The following TCTN1 variants were observed in gnomAD, a reference collection of about 807,000 sequenced individuals.
TCTN1 encodes tectonic-1.
A neutral mutation model predicts 65.8 loss-of-function variants in TCTN1; 58 were observed. The observed-to-expected ratio is 0.88, with a 90% CI of 0.71 to 1.10. The LOEUF (loss-of-function observed/expected upper bound fraction) is 1.10. Among genes scored for constraint, TCTN1 ranks in the 50% least tolerant of loss-of-function variants. TCTN1 has a pLI of 0.00. For missense variants in TCTN1, 645 were observed against 719.4 expected (o/e 0.90, Z 1.18); for synonymous variants, 273 against 289.1 (o/e 0.94, Z 0.57).
chr12:110,645,597 C>T (rs1406360432), intron 12 of TCTN1: 1 of 222,704 alleles, frequency 4.5e-6, no homozygotes, highest in Admixed American at 5.2e-5. Context: ...GGCTCTCCCA[C>T]CCATTGTCCC....
chr12:110,648,181 G>T (rs1322815169), intron 14 of TCTN1, among the ~76,000 whole-genome samples: 1 of 152,040 alleles, frequency 6.6e-6, no homozygotes, highest in Non-Finnish European at 1.5e-5. Context: ...GTGTTGACCA[G>T]GCTGGTCTCA....
chr12:110,622,313 C>G (rs923973283), intron 2 of TCTN1, among the ~76,000 whole-genome samples: 10 of 152,092 alleles, frequency 6.6e-5, no homozygotes, highest in African/African-American at 2.2e-4. Context: ...CTTTTCCTGT[C>G]TCAGCAGTCT....
At chr12:110,622,625 G>T (rs912468922) in intron 2 of TCTN1, among the ~76,000 whole-genome samples, 1 of 152,114 alleles carries the variant, frequency 6.6e-6, no homozygotes, top group South Asian at 2.1e-4. Flanking sequence ...GGACAGAGAT[G>T]GGGGGATGTG....
At position 110,645,102 on chromosome 12, in the gene TCTN1, C is replaced by CT; in HGVS notation, c.1469dup (p.Ile491HisfsTer30). On this transcript the variant is annotated frameshift_variant, in exon 12 of 15. Transcript: ENST00000397659. LOFTEE classifies it high-confidence loss of function. ...ACATGCTGGACTGGGTGCCCATCCA[C>CT]TTCATCACCCAGTCATTCAACAGGA... is the stretch of plus-strand genomic sequence containing the variant. 6.2e-7 allele frequency: 1 copy of CT among 1,614,164 alleles called. No homozygotes were observed. Among genetic ancestry groups the CT allele is most frequent in the Non-Finnish European group, 8.5e-7 (1 of 1,180,022 alleles).
chr12:110,619,836 T>G lies in TCTN1; in HGVS notation c.221T>G (p.Val74Gly). The G allele has an allele frequency of 6.2e-7, 1 of 1,614,080 alleles. No homozygotes were observed. The highest frequency in any genetic ancestry group is 8.5e-7 in the Non-Finnish European group (1 of 1,180,004). The stretch of plus-strand genomic sequence containing the variant: ...GATCCTACCCCTCTTTTTTCTGCAG[T>G]TGCTGTTCTCTGTGTCTGTGACTTA... ...SGPRPTPVTD[V>G]AVLCVCDLSP... The change falls in exon 2 of 15, where the codon GTT becomes GGT. Residue 74 changes from valine (V) to glycine (G), a missense_variant and splice_region_variant. Coordinates refer to ENST00000397659, the MANE Select transcript of TCTN1 (RefSeq NM_001082538.3).
At chr12:110,626,213 C>T in intron 2 of TCTN1, 149 bp from the exon 3 acceptor site, 1 of 937,320 alleles carries the variant, frequency 1.1e-6, no homozygotes, top group Middle Eastern at 3.5e-4. Context: ...CTCAGCCTCC[C>T]AAGTAGCTGG....
At chr12:110,647,692 G>A (rs774222713) in intron 13 of TCTN1, 57 bp from the exon 14 acceptor site, 1 of 1,611,746 alleles carries the variant, frequency 6.2e-7, no homozygotes, top group South Asian at 1.1e-5. Context: ...GTGTCTCATT[G>A]TTGTCATTCT....
In TCTN1 at chr12:110,648,960, G is replaced by A. The variant is rs540722979; in HGVS notation, c.*2-83G>A. ...GTACCCCTTTTGGGGAAACTGAGAC[G>A]AAGCTATTTAGAACAGCTTGAAAAT... On this transcript the variant is annotated intron_variant, in intron 14 of 14. Transcript: ENST00000397659. 3.5e-5 allele frequency: 15 copies of A among 430,662 alleles called. No individual in the cohort carries two copies. The East Asian group carries it at 4.9e-4, about 14-fold the overall frequency. The allele number at this position is 430,662 out of a possible 1,614,324, so 26.7% of individuals were successfully genotyped here.
Position 110,647,545 on chromosome 12 carries a change from T to G in TCTN1, c.1636-204T>G, listed in dbSNP as rs2067420774. ...TCAGATTGGATCTTTAAAATTCTCA[T>G]GAAAATTATGATATTCACGTGTTAA... On this transcript the variant is annotated intron_variant, in intron 13 of 14. Coordinates refer to ENST00000397659, the MANE Select transcript of TCTN1 (RefSeq NM_001082538.3). The G allele has an allele frequency of 7.9e-6, 8 of 1,017,856 alleles. No individual in the cohort carries two copies. In the South Asian group the frequency reaches 1.2e-4, roughly 15 times the overall value. The allele number at this position is 1,017,856 out of a possible 1,614,324, so 63.1% of individuals were successfully genotyped here.
rs1473391977 is a variant in TCTN1 at position 110,649,353 on chromosome 12, C to T, written c.*312C>T. 8.5e-6 allele frequency: 12 copies of T among 1,418,652 alleles called. No homozygotes were observed. The highest frequency in any genetic ancestry group is 4.7e-5 in the South Asian group (4 of 84,310). 87.9% of individuals were successfully genotyped at this position (1,418,652 alleles called of 1,614,324 possible). A position where few individuals can be genotyped will look rare whatever the true frequency, so the allele number is the denominator to read the frequency against. ...GCCCAGGAGGGGCAGCTGTTCCTCTCGTGACAGCACAGGCCCATGAGACAG... is the reference window on the plus strand; with the variant it reads ...GCCCAGGAGGGGCAGCTGTTCCTCTTGTGACAGCACAGGCCCATGAGACAG... On this transcript the variant is annotated 3_prime_UTR_variant, in exon 15 of 15. Transcript: ENST00000397659.
At chr12:110,636,324 A>C (rs1344292771) in intron 6 of TCTN1, 157 bp from the exon 7 acceptor site, 1 of 582,282 alleles carries the variant, frequency 1.7e-6, no homozygotes, top group East Asian at 3.2e-5. Flanking sequence ...ATTCAAACAC[A>C]TGCAGATGGG....
Position 110,637,177 on chromosome 12 carries a change from A to G in TCTN1, c.843+676A>G, listed in dbSNP as rs1266486946. On this transcript the variant is annotated intron_variant, in intron 7 of 14. Coordinates refer to ENST00000397659, the MANE Select transcript of TCTN1 (RefSeq NM_001082538.3). ...ACTGGCCAGCCTAGGTTCAAACCTC[A>G]GCTTTGCCATTATTTTCTTGTCGGA... Among the ~76,000 whole-genome samples the G allele has an allele frequency of 2.6e-5, 4 of 152,212 alleles. No homozygotes were observed. The East Asian group carries it at 7.7e-4, about 29-fold the overall frequency.
In TCTN1 at chr12:110,647,261, A is replaced by T; in HGVS notation, c.1560A>T (p.Lys520Asn). ...GALVIEVKWT[K>N]YGSLLNPQAK... ...TGGTTATAGAAGTGAAGTGGACTAAATACGGATCCCTGCTGAATCCACAGG... is the reference window on the plus strand; with the variant it reads ...TGGTTATAGAAGTGAAGTGGACTAATTACGGATCCCTGCTGAATCCACAGG... The change falls in exon 13 of 15, where the codon AAA becomes AAT. Residue 520 changes from lysine to asparagine, a missense_variant. Physicochemically the swap from Lys to Asn is moderately conservative, Grantham distance 94. Coordinates refer to ENST00000397659, the MANE Select transcript of TCTN1 (RefSeq NM_001082538.3). 1 of 1,614,214 alleles carries T rather than the reference A, an allele frequency of 6.2e-7. No homozygotes were observed. Among genetic ancestry groups the T allele is most frequent in the Non-Finnish European group, 8.5e-7 (1 of 1,180,032 alleles).
intron 1 of TCTN1, among the ~76,000 whole-genome samples, chr12:110,615,922 TG>T (rs1291278578): frequency 1.3e-5 from 2 of 152,244 alleles, no homozygotes; most frequent in Non-Finnish European, 2.9e-5. Context: ...CTCTCCTTTC[TG>T]AATTACGAGT....
intron 7 of TCTN1, among the ~76,000 whole-genome samples, chr12:110,636,835 A>G (rs1593328323): frequency 6.6e-6 from 1 of 152,206 alleles, no homozygotes; most frequent in African/African-American, 2.4e-5. Context: ...AAAGCTGTCC[A>G]GCTCCCAGGA....
chr12:110,634,410 T>A, intron 5 of TCTN1: 1 of 533,738 alleles, frequency 1.9e-6, no homozygotes. Context: ...GGCGTACTGG[T>A]TCACACCTGT....
chr12:110,643,087 G>A (rs1335675310), intron 11 of TCTN1, among the ~76,000 whole-genome samples: 1 of 143,534 alleles, frequency 7.0e-6, no homozygotes, highest in South Asian at 2.2e-4. Context: ...TTTTTTTGTA[G>A]AGACAGGATC....
At chr12:110,627,263 A>G (rs2065922187) in intron 3 of TCTN1, among the ~76,000 whole-genome samples, 2 of 151,498 alleles carry the variant, frequency 1.3e-5, no homozygotes, top group Non-Finnish European at 2.9e-5. Flanking sequence ...ACACCCAGCT[A>G]ATTTTTTATT....
intron 6 of TCTN1, among the ~76,000 whole-genome samples, chr12:110,635,355 A>G (rs931154406): frequency 1.3e-5 from 2 of 152,208 alleles, no homozygotes; most frequent in South Asian, 2.1e-4. Flanking sequence ...ACCTTTTTCA[A>G]TGATTAAAAA....
Sources: gnomAD v4.1 joint callset for allele counts (sites outside exome capture counted in the v4.1 genomes callset) on GRCh38, gnomAD v4.1.1 for gene constraint, MANE v1.5 for transcripts, NCBI Gene and HGNC (gene_info 2026-07-23, HGNC 2026-07-21) for gene names.